NUGGC: variants seen among roughly 807,000 people sequenced by gnomAD.
NUGGC encodes nuclear GTPase, germinal center associated, also known as nuclear GTPase SLIP-GC.
In NUGGC, 58 loss-of-function variants were observed where a neutral mutation model predicts 92.6. The ratio of observed to expected loss-of-function variants is 0.63; its 90% CI spans 0.51 to 0.78. The LOEUF (loss-of-function observed/expected upper bound fraction) is 0.78. Ranked by LOEUF, NUGGC falls within the 30% of genes least tolerant of loss-of-function variation. The pLI is 0.00. For synonymous variants in NUGGC, 376 were observed against 366.4 expected, an observed-to-expected ratio of 1.03 and a Z score of -0.30; for missense variants, 925 against 964.6, an observed-to-expected ratio of 0.96 and a Z score of 0.54.
intron 18 of NUGGC, among the ~76,000 whole-genome samples, chr8:28,023,792 C>A (rs1809180164): frequency 1.3e-5 from 2 of 152,190 alleles, no homozygotes. Context: ...CCCCTCTTCC[C>A]CCCACCCCAA....
chr8:28,070,384 T>C lies in NUGGC; in HGVS notation c.44-28A>G. On this transcript the variant is annotated intron_variant, in intron 2 of 18. Transcript: ENST00000413272. Reference sequence around the variant, plus strand: ...AGAGATAAACAGAGGATATATAAGATTATAGGTGTTGGGGTATGGTATTCT... The same window carrying C: ...AGAGATAAACAGAGGATATATAAGACTATAGGTGTTGGGGTATGGTATTCT... The C allele has an allele frequency of 1.7e-6, 2 of 1,206,928 alleles. 1 individual carries two copies. The highest frequency in any genetic ancestry group is 2.4e-6 in the Non-Finnish European group (2 of 836,902). The allele number at this position is 1,206,928 out of a possible 1,614,324, so 74.8% of individuals were successfully genotyped here.
At chr8:28,031,124 G>T in intron 15 of NUGGC, 119 bp downstream of exon 15, 1 of 1,152,766 alleles carries the variant, frequency 8.7e-7, no homozygotes, top group Non-Finnish European at 1.3e-6. Flanking sequence ...CTCCTAGGAG[G>T]TACTCCCAGA....
intron 11 of NUGGC, 21 bp downstream of exon 11, chr8:28,047,486 G>C (rs1477269015): frequency 9.1e-6 from 13 of 1,423,598 alleles, no homozygotes; most frequent in Non-Finnish European, 1.3e-5. Flanking sequence ...TAGTGATGGA[G>C]ATTTAAAAAA....
At chr8:28,065,671 A>G (rs896761710) in intron 6 of NUGGC, among the ~76,000 whole-genome samples, 8 of 152,192 alleles carry the variant, frequency 5.3e-5, no homozygotes, top group African/African-American at 1.9e-4. Context: ...TTCAGAGGAC[A>G]GGGGATTTGG....
Position 28,030,338 on chromosome 8 carries a change from G to A in NUGGC, c.1989C>T (p.Val663=). 6.3e-7 allele frequency: 1 copy of A among 1,575,316 alleles called. No individual in the cohort carries two copies. The highest frequency in any genetic ancestry group is 1.2e-5 in the South Asian group (1 of 85,644). The part of the protein sequence containing the change: ...RRIYESLTAS[V]QSDLKLCYEE... ...CGTAACAGAGCTTCAGGTCACTCTGGACAGAGGCAGTGAGGGACTCGTAGA... is the reference window on the plus strand; with the variant it reads ...CGTAACAGAGCTTCAGGTCACTCTGAACAGAGGCAGTGAGGGACTCGTAGA... Residue 663 remains valine (V), a synonymous_variant, in exon 16 of 19, where the codon GTC becomes GTT. Coordinates refer to ENST00000413272, the MANE Select transcript of NUGGC (RefSeq NM_001010906.2).
chr8:28,055,977 C>T lies in NUGGC; in HGVS notation c.1194G>A (p.Lys398=), dbSNP rs1294483614. The part of the protein sequence containing the change: ...MIKLQRTRIL[K]EKLKRKLPAD... ...CCTATTAACTCACCTTCAGTTTTTC[C>T]TTGAGAATTCTAGTCCTTTGTAGTT... The change falls in exon 10 of 19, where the codon AAG becomes AAA. Residue 398 remains lysine, a synonymous_variant. Coordinates refer to ENST00000413272, the MANE Select transcript of NUGGC (RefSeq NM_001010906.2). The T allele has an allele frequency of 1.3e-6, 2 of 1,534,978 alleles. No individual in the cohort carries two copies. The highest frequency in any genetic ancestry group is 1.9e-5 in the Admixed American group (1 of 51,286).
intron 1 of NUGGC, among the ~76,000 whole-genome samples, chr8:28,076,323 G>T (rs1385007517): frequency 6.6e-6 from 1 of 152,218 alleles, no homozygotes; most frequent in East Asian, 1.9e-4. Context: ...GCTTGTGACA[G>T]AGTCTTGCTC....
intron 12 of NUGGC, among the ~76,000 whole-genome samples, chr8:28,043,832 G>A (rs1809759841): frequency 6.6e-6 from 1 of 152,154 alleles, no homozygotes; most frequent in Non-Finnish European, 1.5e-5. Flanking sequence ...TCACCCTGAA[G>A]AACTGTTTTG....
Position 28,083,802 on chromosome 8 carries a change from A to G in NUGGC, c.-74T>C, listed in dbSNP as rs1231867251. ...GATGTCACTGAACAGAAAAAAAAAA[A>G]AAAAGTTCTGGTTTGGTTACAGGAG... On this transcript the variant is annotated 5_prime_UTR_variant, in exon 1 of 19. Transcript: ENST00000413272. 2 of 152,160 alleles carry G rather than the reference A, an allele frequency of 1.3e-5. No homozygotes were observed. Among genetic ancestry groups the G allele is most frequent in the East Asian group, 3.8e-4 (2 of 5,200 alleles). 9.4% of individuals were successfully genotyped at this position (152,160 alleles called of 1,614,324 possible). A position where few individuals can be genotyped will look rare whatever the true frequency, so the allele number is the denominator to read the frequency against.
rs1175531518 is a variant in NUGGC, at chr8:28,067,736, C to T, written c.489G>A (p.Arg163=). Residue 163 remains arginine (R), a synonymous_variant, in exon 6 of 19, where the codon AGG becomes AGA. Transcript: ENST00000413272. ...GTTTGGTCAGGTTCTTCAGCTCCTCCCTCCACTCCTGCCAAGGCAGAGTAG... is the reference window on the plus strand; with the variant it reads ...GTTTGGTCAGGTTCTTCAGCTCCTCTCTCCACTCCTGCCAAGGCAGAGTAG... ...KIHLLSDQEW[R]EELKNLTKLL... 6.2e-7 allele frequency: 1 copy of T among 1,611,908 alleles called. No individual in the cohort carries two copies. The highest frequency in any genetic ancestry group is 8.5e-7 in the Non-Finnish European group (1 of 1,178,996).
chr8:28,067,369 T>C (rs746315536), intron 6 of NUGGC, 145 bp downstream of exon 6: 454 of 633,380 alleles, frequency 7.2e-4, no homozygotes, highest in Middle Eastern at 8.8e-4. Flanking sequence ...GAGGATAACT[T>C]GGGCTACGGA....
chr8:28,026,445 C>G (rs1809262095), intron 18 of NUGGC, among the ~76,000 whole-genome samples: 1 of 152,186 alleles, frequency 6.6e-6, no homozygotes, highest in South Asian at 2.1e-4. Context: ...GGGCCGCATC[C>G]CCAGGCTATA....
intron 6 of NUGGC, among the ~76,000 whole-genome samples, chr8:28,065,522 T>G (rs892203854): frequency 6.6e-6 from 1 of 152,156 alleles, no homozygotes; most frequent in African/African-American, 2.4e-5. Context: ...TACCTTGATA[T>G]GTAGGCATTT....
intron 2 of NUGGC, among the ~76,000 whole-genome samples, chr8:28,072,265 A>T (rs1810609377): frequency 6.6e-6 from 1 of 152,228 alleles, no homozygotes; most frequent in Admixed American, 6.5e-5. Flanking sequence ...CGGTTTGAGG[A>T]CTGCCTTAGA....
rs74462442 is a variant in NUGGC, at chr8:28,067,668, G to A, written c.557C>T (p.Ala186Val). Residue 186 changes from alanine to valine, a missense_variant, in exon 6 of 19, where the codon GCG (alanine) becomes GTG (valine). Transcript: ENST00000413272. ...CTCCACTGCCTCATCCCTGTTCCAC[G>A]CATCTGCCTCTTCTCTGCTCAGCTC... ...TEELSREEADAWNRDEAVEEA... is the reference protein window; with the variant it reads ...TEELSREEADVWNRDEAVEEA... 44,078 of 1,613,902 alleles carry A rather than the reference G, an allele frequency of 0.027. 781 individuals are homozygous for A. Among genetic ancestry groups the A allele is most frequent in the African/African-American group, 0.068 (5,120 of 75,020 alleles).
intron 3 of NUGGC, 161 bp from the exon 4 acceptor site, chr8:28,069,813 G>A: frequency 3.3e-6 from 2 of 603,758 alleles, no homozygotes; most frequent in Non-Finnish European, 5.9e-6. Flanking sequence ...AGGGATGGCG[G>A]CTCACTGGAG....
chr8:28,044,082 G>A (rs1353856212), intron 12 of NUGGC, among the ~76,000 whole-genome samples: 1 of 152,064 alleles, frequency 6.6e-6, no homozygotes, highest in East Asian at 1.9e-4. Flanking sequence ...GGCTCCAGGT[G>A]GCACTGCTTA....
At chr8:28,053,804 A>T (rs1327180927) in intron 10 of NUGGC, among the ~76,000 whole-genome samples, 1 of 152,234 alleles carries the variant, frequency 6.6e-6, no homozygotes, top group African/African-American at 2.4e-5. Context: ...TATTTATTTA[A>T]TACCAACAAG....
chr8:28,027,119 G>C, intron 17 of NUGGC, 67 bp from the exon 18 acceptor site: 1 of 1,282,862 alleles, frequency 7.8e-7, no homozygotes, highest in South Asian at 1.2e-5. Flanking sequence ...CTTATAAAAG[G>C]GACCCCACCC....
Sources: gnomAD v4.1 joint callset for allele counts (sites outside exome capture counted in the v4.1 genomes callset) on GRCh38, gnomAD v4.1.1 for gene constraint, MANE v1.5 for transcripts, NCBI Gene and HGNC (gene_info 2026-07-23, HGNC 2026-07-21) for gene names.